Variants in TRERF1 observed in about 807,000 individuals in gnomAD.
The protein encoded by TRERF1 is transcriptional-regulating factor 1.
Under a neutral mutation model 122.9 loss-of-function variants are expected in TRERF1, and 27 were observed. The observed-to-expected ratio is 0.22, with a 90% CI of 0.16 to 0.30. The LOEUF (loss-of-function observed/expected upper bound fraction) is 0.30. Ranked by LOEUF, TRERF1 falls within the 10% of genes least tolerant of loss-of-function variation. TRERF1 has a pLI of 1.00. For missense variants in TRERF1, 1,248 were observed against 1,560.3 expected (o/e 0.80, Z 3.37); for synonymous variants, 636 against 641.7 (o/e 0.99, Z 0.13).
exon 18 of TRERF1, chr6:42,227,131 G>A (rs1442276191): frequency 1.3e-5 from 2 of 152,278 alleles, no homozygotes; most frequent in Admixed American, 6.5e-5. Context: ...GGTTGGAGAA[G>A]TCTAGAAGTG....
chr6:42,277,143 G>A (rs557722358), intron 4 of TRERF1, among the ~76,000 whole-genome samples: 1 of 152,298 alleles, frequency 6.6e-6, no homozygotes, highest in African/African-American at 2.4e-5. Flanking sequence ...CTAAGGACAT[G>A]GGGAGAGAAG....
intron 2 of TRERF1, among the ~76,000 whole-genome samples, chr6:42,396,806 A>C (rs978298070): frequency 3.3e-4 from 51 of 152,316 alleles, no homozygotes; most frequent in African/African-American, 1.0e-3. Flanking sequence ...GAGAATTACA[A>C]GTACCCCAAG....
At chr6:42,334,781 T>C (rs1230463358) in intron 3 of TRERF1, among the ~76,000 whole-genome samples, 1 of 152,266 alleles carries the variant, frequency 6.6e-6, no homozygotes, top group Admixed American at 6.5e-5. Flanking sequence ...GAAGGGAAGA[T>C]GCTCCCTCTG....
intron 4 of TRERF1, among the ~76,000 whole-genome samples, chr6:42,299,236 A>ATCTG (rs1195824846): frequency 6.6e-6 from 1 of 151,334 alleles, no homozygotes; most frequent in African/African-American, 2.4e-5. Context: ...CTATCTATCT[A>ATCTG]TCTATCATCT....
At chr6:42,428,502 A>T (rs1783985462) in intron 2 of TRERF1, among the ~76,000 whole-genome samples, 1 of 152,202 alleles carries the variant, frequency 6.6e-6, no homozygotes, top group Non-Finnish European at 1.5e-5. Flanking sequence ...GTGAAACCCC[A>T]GGTCTCCAGA....
At position 42,232,672 on chromosome 6, in the gene TRERF1, T is replaced by C; in HGVS notation, c.3278+9A>G. On this transcript the variant is annotated intron_variant, in intron 17 of 17. Transcript: ENST00000372922. The surrounding 1 kb of genome is among the most constrained non-coding windows in gnomAD (Gnocchi z 4.5). Reference sequence around the variant, plus strand: ...AACTCAGATTCAGTCCCCGGTCCCCTGCACCTACTTGCCACACTCCTTGCA... The same window carrying C: ...AACTCAGATTCAGTCCCCGGTCCCCCGCACCTACTTGCCACACTCCTTGCA... 6.3e-7 allele frequency: 1 copy of C among 1,584,046 alleles called. No individual in the cohort carries two copies. Among genetic ancestry groups the C allele is most frequent in the Non-Finnish European group, 8.6e-7 (1 of 1,158,192 alleles).
At chr6:42,319,505 T>C (rs917333240) in intron 3 of TRERF1, among the ~76,000 whole-genome samples, 1 of 152,176 alleles carries the variant, frequency 6.6e-6, no homozygotes, top group South Asian at 2.1e-4. Context: ...CCCTAACCAA[T>C]ACAAGCTTTT....
rs534825975 is a variant in TRERF1, at chr6:42,357,126, C to T, written c.-371+5871G>A. Among the ~76,000 whole-genome samples, 9 of 151,690 alleles carry T rather than the reference C, an allele frequency of 5.9e-5. No homozygotes were observed. In the South Asian group the frequency reaches 8.3e-4, roughly 14 times the overall value. On this transcript the variant is annotated intron_variant, in intron 3 of 17. Coordinates refer to ENST00000372922, the Ensembl canonical transcript of TRERF1. ...CAGATGGACCACGAGGTCAGGAGTTCGAGACCAGCCTGACCAACATGGTGA... is the reference window on the plus strand; with the variant it reads ...CAGATGGACCACGAGGTCAGGAGTTTGAGACCAGCCTGACCAACATGGTGA...
chr6:42,233,046 G>T (rs1328367904), intron 16 of TRERF1, 118 bp from the exon 17 acceptor site: 4 of 1,120,640 alleles, frequency 3.6e-6, no homozygotes, highest in Non-Finnish European at 4.9e-6. Flanking sequence ...GCTACAAAAG[G>T]TAAAGATCAA....
chr6:42,268,247 G>A lies in TRERF1; in HGVS notation c.1344C>T (p.Leu448=). 1 of 1,498,888 alleles carries A rather than the reference G, an allele frequency of 6.7e-7. No individual in the cohort carries two copies. Among genetic ancestry groups the A allele is most frequent in the Non-Finnish European group, 8.9e-7 (1 of 1,124,694 alleles). The allele number at this position is 1,498,888 out of a possible 1,614,324, so 92.8% of individuals were successfully genotyped here. The change falls in exon 5 of 18, where the codon CTC becomes CTT. Residue 448 remains leucine, a synonymous_variant. Transcript: ENST00000372922. This position sits in a 1 kb window ranked among gnomAD's most constrained non-coding sequence, Gnocchi z 4.4. ...TGGGGGATAGGAGGGGGCGATGGGG[G>A]AGGGTGCTGCTGACCCGGGTCAGAT...
intron 3 of TRERF1, among the ~76,000 whole-genome samples, chr6:42,319,497 C>G (rs1224778251): frequency 1.3e-5 from 2 of 152,158 alleles, no homozygotes; most frequent in Non-Finnish European, 2.9e-5. Context: ...TAATGTTGCC[C>G]TAACCAATAC....
chr6:42,451,511 A>T (rs72859316), intron 1 of TRERF1, among the ~76,000 whole-genome samples, 163 bp downstream of exon 1: 1,872 of 151,474 alleles, frequency 0.012, 36 homozygotes, highest in East Asian at 0.087. Context: ...CCCCAGCAAG[A>T]AACTTACTCG....
At chr6:42,443,105 C>T (rs1388847887) in intron 2 of TRERF1, among the ~76,000 whole-genome samples, 1 of 152,190 alleles carries the variant, frequency 6.6e-6, no homozygotes, top group Admixed American at 6.5e-5. Flanking sequence ...TCTTCCTTCT[C>T]TCTATGAAAC....
chr6:42,419,865 G>A (rs550330427), intron 2 of TRERF1, among the ~76,000 whole-genome samples: 8 of 152,220 alleles, frequency 5.3e-5, no homozygotes, highest in South Asian at 2.1e-4. Flanking sequence ...CAATGGCCAC[G>A]GGTGGGTAAC....
At chr6:42,294,587 A>C (rs1357471841) in intron 4 of TRERF1, among the ~76,000 whole-genome samples, 1 of 152,234 alleles carries the variant, frequency 6.6e-6, no homozygotes, top group Admixed American at 6.5e-5. Context: ...CCAACGGCCA[A>C]TCTCCAGGGC....
At chr6:42,428,531 C>A in intron 2 of TRERF1, among the ~76,000 whole-genome samples, 1 of 152,200 alleles carries the variant, frequency 6.6e-6, no homozygotes, top group Admixed American at 6.5e-5. Flanking sequence ...TCTCTTCAGG[C>A]AGCTTTTATC....
chr6:42,421,659 G>A lies in TRERF1; in HGVS notation c.-454+29518C>T, dbSNP rs778621482. ...CATGGTGGTGCACGCCTGTAGTCCC[G>A]GCTAATCGGGAGGCTGAGGCAGGAG... is the stretch of plus-strand genomic sequence containing the variant. On this transcript the variant is annotated intron_variant, in intron 2 of 17. Coordinates refer to ENST00000372922, the Ensembl canonical transcript of TRERF1. 7.2e-4 allele frequency among the ~76,000 whole-genome samples: 109 copies of A among 151,610 alleles called. 1 individual carries two copies. Among genetic ancestry groups the A allele is most frequent in the East Asian group, 3.1e-3 (16 of 5,138 alleles).
chr6:42,396,906 C>G (rs1778686288), intron 2 of TRERF1, among the ~76,000 whole-genome samples: 1 of 152,180 alleles, frequency 6.6e-6, no homozygotes, highest in Admixed American at 6.5e-5. Flanking sequence ...TGTACACACC[C>G]ATACACACAC....
chr6:42,394,560 T>C (rs1382947158), intron 2 of TRERF1, among the ~76,000 whole-genome samples: 3 of 152,112 alleles, frequency 2.0e-5, no homozygotes, highest in South Asian at 2.1e-4. Context: ...AGCCAGCGAG[T>C]GTCCAGGATT....
Sources: allele counts gnomAD v4.1 joint callset (sites outside exome capture counted in the v4.1 genomes callset), GRCh38; gene constraint gnomAD v4.1.1; non-coding constraint Gnocchi (gnomAD v3.1); transcripts MANE v1.5; gene names NCBI Gene and HGNC (gene_info 2026-07-23, HGNC 2026-07-21).